The following AGBL4 variants were observed in gnomAD, a reference collection of about 807,000 sequenced individuals.
AGBL4 encodes the protein cytosolic carboxypeptidase 6.
AGBL4 carries 58 observed loss-of-function variants against 66.4 expected under a neutral mutation model. The ratio of observed to expected loss-of-function variants is 0.87; its 90% CI spans 0.71 to 1.09. AGBL4 has a LOEUF of 1.09. AGBL4 is among the 50% of genes least tolerant of loss of function. AGBL4 has a pLI of 0.00. For synonymous variants in AGBL4, 234 were observed against 222.9 expected (o/e 1.05, Z -0.44); for missense variants, 579 against 631.0 (o/e 0.92, Z 0.88).
chr1:49,031,856 A>G (rs1282419200), intron 5 of AGBL4, among the ~76,000 whole-genome samples: 1 of 152,174 alleles, frequency 6.6e-6, no homozygotes, highest in Non-Finnish European at 1.5e-5. Flanking sequence ...CTTCTAAAGA[A>G]AAATGTTGAA....
intron 5 of AGBL4, among the ~76,000 whole-genome samples, chr1:48,972,394 G>A (rs909056899): frequency 1.3e-5 from 2 of 152,100 alleles, no homozygotes; most frequent in African/African-American, 4.8e-5. Context: ...CTCAGTCCAT[G>A]GACAGAATAA....
intron 6 of AGBL4, among the ~76,000 whole-genome samples, chr1:48,845,070 C>T (rs1039916043): frequency 1.3e-5 from 2 of 152,082 alleles, no homozygotes; most frequent in African/African-American, 4.8e-5. Context: ...TGTATTAGGA[C>T]CAGTCCCAAG....
chr1:49,224,532 G>A (rs1272967046), intron 4 of AGBL4, among the ~76,000 whole-genome samples: 1 of 150,646 alleles, frequency 6.6e-6, no homozygotes, highest in Non-Finnish European at 1.5e-5. Flanking sequence ...CAGAAGAATG[G>A]CGTGGACCCA....
At chr1:48,829,196 A>G (rs1169884951) in intron 6 of AGBL4, among the ~76,000 whole-genome samples, 1 of 152,224 alleles carries the variant, frequency 6.6e-6, no homozygotes, top group Non-Finnish European at 1.5e-5. Context: ...TTGGTGGACC[A>G]TCATAAACCA....
chr1:49,300,245 G>A (rs1644720379), intron 3 of AGBL4, among the ~76,000 whole-genome samples: 1 of 152,146 alleles, frequency 6.6e-6, no homozygotes, highest in Non-Finnish European at 1.5e-5. Flanking sequence ...CAAGAGCAGA[G>A]ACTTTGTAGT....
intron 5 of AGBL4, among the ~76,000 whole-genome samples, chr1:48,958,974 T>C (rs1239315226): frequency 6.6e-6 from 1 of 152,268 alleles, no homozygotes; most frequent in Non-Finnish European, 1.5e-5. Context: ...CCTATTAGAC[T>C]ATAGACTCCT....
Position 48,997,751 on chromosome 1 carries a change from T to C in AGBL4, c.594+47833A>G, listed in dbSNP as rs191364397. Among the ~76,000 whole-genome samples the C allele has an allele frequency of 2.5e-3, 376 of 152,308 alleles. 2 individuals are homozygous for C. The highest frequency in any genetic ancestry group is 6.1e-3 in the Admixed American group (93 of 15,298). ...TGAAATGCCTACTTCATAGGAATAT[T>C]ATAAAAAATCAACCAGACACTATAT... On this transcript the variant is annotated intron_variant, in intron 5 of 13. Coordinates refer to ENST00000371839, the MANE Select transcript of AGBL4 (RefSeq NM_032785.4).
chr1:49,379,906 G>A (rs1176233367), intron 3 of AGBL4, among the ~76,000 whole-genome samples: 2 of 151,964 alleles, frequency 1.3e-5, no homozygotes, highest in Non-Finnish European at 2.9e-5. Flanking sequence ...AATGAGTCAG[G>A]GAGGATTGGA....
chr1:48,683,467 T>C (rs1002809944), intron 6 of AGBL4, among the ~76,000 whole-genome samples: 6 of 152,232 alleles, frequency 3.9e-5, no homozygotes, highest in African/African-American at 1.4e-4. Context: ...AGTCTCATTC[T>C]AAATCACAGT....
intron 2 of AGBL4, among the ~76,000 whole-genome samples, chr1:49,821,130 T>A (rs563402165): frequency 5.1e-4 from 78 of 152,316 alleles, no homozygotes; most frequent in South Asian, 4.6e-3. Flanking sequence ...ATAGGCTGAT[T>A]GTGCGGTCCA....
At chr1:49,478,461 C>A (rs1240115220) in intron 3 of AGBL4, among the ~76,000 whole-genome samples, 1 of 151,864 alleles carries the variant, frequency 6.6e-6, no homozygotes, top group African/African-American at 2.4e-5. Flanking sequence ...TCTGAGGGAA[C>A]AAACTTTTAC....
chr1:48,546,099 T>A (rs953431571), intron 11 of AGBL4, among the ~76,000 whole-genome samples: 3 of 152,234 alleles, frequency 2.0e-5, no homozygotes, highest in African/African-American at 4.8e-5. Flanking sequence ...AGGAACTATT[T>A]TTTTTAGAGT....
chr1:48,999,455 A>T (rs765675623), intron 5 of AGBL4, among the ~76,000 whole-genome samples: 1 of 152,210 alleles, frequency 6.6e-6, no homozygotes, highest in Admixed American at 6.5e-5. Context: ...TAATTACATT[A>T]TTCGTCAAGA....
intron 3 of AGBL4, among the ~76,000 whole-genome samples, chr1:49,669,655 A>G (rs2124519587): frequency 6.6e-6 from 1 of 152,284 alleles, no homozygotes; most frequent in Non-Finnish European, 1.5e-5. Flanking sequence ...AAAGAAGGGA[A>G]GAATAGAGAA....
intron 1 of AGBL4, among the ~76,000 whole-genome samples, chr1:49,981,374 G>A (rs1386455532): frequency 2.6e-5 from 4 of 152,076 alleles, no homozygotes; most frequent in African/African-American, 9.7e-5. Context: ...AAAGATTAGA[G>A]AATGAGTATA....
chr1:49,933,072 A>C (rs1358201858), intron 1 of AGBL4, among the ~76,000 whole-genome samples: 1 of 152,152 alleles, frequency 6.6e-6, no homozygotes, highest in Non-Finnish European at 1.5e-5. Flanking sequence ...TATGAAGCCC[A>C]AAATATCCCA....
At chr1:49,601,485 G>A (rs544563885) in intron 3 of AGBL4, among the ~76,000 whole-genome samples, 1 of 152,096 alleles carries the variant, frequency 6.6e-6, no homozygotes, top group South Asian at 2.1e-4. Context: ...AAACAGCATG[G>A]TCCTGGTACC....
At chr1:48,891,982 A>T (rs1176224059) in intron 5 of AGBL4, among the ~76,000 whole-genome samples, 1 of 152,090 alleles carries the variant, frequency 6.6e-6, no homozygotes, top group Non-Finnish European at 1.5e-5. Flanking sequence ...CTGCCATAAC[A>T]AATTACTACA....
At chr1:48,646,099 C>T (rs1297854436) in intron 8 of AGBL4, among the ~76,000 whole-genome samples, 1 of 152,156 alleles carries the variant, frequency 6.6e-6, no homozygotes, top group African/African-American at 2.4e-5. Context: ...AGTGCTGTCT[C>T]ACAGTCAGAG....
Sources: gnomAD v4.1 joint callset for allele counts (sites outside exome capture counted in the v4.1 genomes callset) on GRCh38, gnomAD v4.1.1 for gene constraint, MANE v1.5 for transcripts, NCBI Gene and HGNC (gene_info 2026-07-23, HGNC 2026-07-21) for gene names.